Variants in FGGY observed in about 807,000 individuals in gnomAD.
FGGY encodes FGGY carbohydrate kinase domain-containing protein.
A neutral mutation model predicts 71.3 loss-of-function variants in FGGY; 72 were observed. The observed-to-expected ratio is 1.01, with a 90% confidence interval of 0.84 to 1.23. The LOEUF (loss-of-function observed/expected upper bound fraction) is 1.23. FGGY is among the 50% of genes most tolerant of loss of function. The pLI is 0.00. For synonymous variants in FGGY, 251 were observed against 250.3 expected (o/e 1.00, Z -0.02); for missense variants, 668 against 682.3 (o/e 0.98, Z 0.23).
intron 3 of FGGY, among the ~76,000 whole-genome samples, chr1:59,340,306 T>C (rs1191810124): frequency 6.6e-6 from 1 of 152,224 alleles, no homozygotes; most frequent in Non-Finnish European, 1.5e-5. Flanking sequence ...GGAGCCACAG[T>C]GCAGAGCTTG....
intron 11 of FGGY, among the ~76,000 whole-genome samples, chr1:59,638,893 C>T (rs2096989687): frequency 6.6e-6 from 1 of 152,126 alleles, no homozygotes; most frequent in African/African-American, 2.4e-5. Context: ...GCTCTTAGTG[C>T]CCTTTAGGGT....
chr1:59,445,620 C>T (rs372029500), intron 5 of FGGY, among the ~76,000 whole-genome samples: 11 of 152,206 alleles, frequency 7.2e-5, no homozygotes, highest in African/African-American at 2.7e-4. Context: ...ACACATCTCC[C>T]GAACACCCTT....
chr1:59,341,538 C>T (rs982661763), intron 3 of FGGY, among the ~76,000 whole-genome samples: 63 of 152,094 alleles, frequency 4.1e-4, no homozygotes, highest in East Asian at 1.9e-4. Context: ...CCTCTTCTTG[C>T]GACATTTATT....
At chr1:59,640,054 A>G (rs143144835) in intron 11 of FGGY, among the ~76,000 whole-genome samples, 12 of 152,380 alleles carry the variant, frequency 7.9e-5, no homozygotes, top group Non-Finnish European at 1.6e-4. Flanking sequence ...ACATGGGGAC[A>G]TATGCCCAGT....
At chr1:59,337,606 C>G (rs2049858578) in intron 2 of FGGY, among the ~76,000 whole-genome samples, 1 of 152,086 alleles carries the variant, frequency 6.6e-6, no homozygotes, top group Non-Finnish European at 1.5e-5. Flanking sequence ...GAGTATTTCA[C>G]TTTTTGATGC....
chr1:59,499,211 T>C (rs1240930698), intron 6 of FGGY, among the ~76,000 whole-genome samples: 1 of 151,262 alleles, frequency 6.6e-6, no homozygotes, highest in Non-Finnish European at 1.5e-5. Context: ...ATATAGTAGT[T>C]CCCCCTTGTC....
At chr1:59,467,497 T>TAA (rs5774464) in intron 6 of FGGY, among the ~76,000 whole-genome samples, 6 of 148,970 alleles carry the variant, frequency 4.0e-5, no homozygotes, top group East Asian at 2.0e-4. Flanking sequence ...TAAAGTATAA[T>TAA]AAAAAAAAAA....
chr1:59,407,333 G>A (rs1254968613), intron 5 of FGGY, among the ~76,000 whole-genome samples: 1 of 152,178 alleles, frequency 6.6e-6, no homozygotes, highest in Non-Finnish European at 1.5e-5. Context: ...TGAGAGAATG[G>A]TAGCAAAGAT....
intron 1 of FGGY, among the ~76,000 whole-genome samples, chr1:59,302,387 T>C (rs1475977248): frequency 6.6e-6 from 1 of 152,236 alleles, no homozygotes; most frequent in Non-Finnish European, 1.5e-5. Context: ...CTATTCACAA[T>C]AGCAAAGACA....
chr1:59,545,447 C>G (rs1192288468), intron 7 of FGGY, among the ~76,000 whole-genome samples: 2 of 152,044 alleles, frequency 1.3e-5, no homozygotes, highest in East Asian at 3.9e-4. Context: ...TTTACCATGC[C>G]TAATGTCTGA....
intron 5 of FGGY, among the ~76,000 whole-genome samples, chr1:59,415,406 T>C (rs1400460721): frequency 2.0e-5 from 3 of 152,234 alleles, no homozygotes; most frequent in African/African-American, 7.2e-5. Flanking sequence ...CATCCATAAG[T>C]GCTATTTAGA....
At chr1:59,702,598 A>G (rs1396220087) in intron 14 of FGGY, among the ~76,000 whole-genome samples, 1 of 152,192 alleles carries the variant, frequency 6.6e-6, no homozygotes, top group Non-Finnish European at 1.5e-5. Context: ...GAGGCTGTTA[A>G]TGTGGTCTAG....
At chr1:59,402,940 G>A (rs2062166879) in intron 5 of FGGY, among the ~76,000 whole-genome samples, 1 of 152,148 alleles carries the variant, frequency 6.6e-6, no homozygotes, top group Admixed American at 6.5e-5. Flanking sequence ...GGAAAGCCTG[G>A]GTATGGGGGT....
chr1:59,578,033 C>G (rs2096115061), intron 8 of FGGY, among the ~76,000 whole-genome samples: 2 of 152,068 alleles, frequency 1.3e-5, no homozygotes, highest in African/African-American at 4.8e-5. Context: ...GAAACTTGTG[C>G]TAAACGTCAC....
chr1:59,548,088 G>T (rs1033887560), intron 7 of FGGY, among the ~76,000 whole-genome samples: 2 of 152,216 alleles, frequency 1.3e-5, no homozygotes, highest in African/African-American at 4.8e-5. Context: ...ACAAAGGAAG[G>T]AGGCTTGGTC....
chr1:59,554,143 G>A lies in FGGY; in HGVS notation c.819G>A (p.Val273=). ...AGGLGVIGAD[V]RGHGLICEGQ... is the part of the protein sequence containing the mutation. ...TCACAGGAGTGATTGGGGCAGATGT[G>A]AGAGGGCACGGCCTCATCTGTGAGG... is the stretch of plus-strand genomic sequence containing the variant. The change falls in exon 8 of 16, where the codon GTG becomes GTA. Residue 273 remains valine, a synonymous_variant. Transcript: ENST00000303721. 6.2e-7 allele frequency: 1 copy of A among 1,611,590 alleles called. No individual in the cohort carries two copies.
intron 4 of FGGY, among the ~76,000 whole-genome samples, chr1:59,361,914 C>T (rs2055616157): frequency 1.3e-5 from 2 of 152,136 alleles, no homozygotes; most frequent in Non-Finnish European, 2.9e-5. Flanking sequence ...CTAGACAGGG[C>T]CCTTTCCGCC....
intron 8 of FGGY, among the ~76,000 whole-genome samples, chr1:59,571,813 A>G (rs1486146942): frequency 6.6e-6 from 1 of 152,202 alleles, no homozygotes; most frequent in Non-Finnish European, 1.5e-5. Flanking sequence ...GGATCAAACA[A>G]TTTTAAGTGG....
rs79704328 is a variant in FGGY at position 59,675,403 on chromosome 1, T to C, written c.1512+1270T>C. ...AGATCCAAAATTTAAGGGTACACTA[T>C]TGGGAACAGACAGATGTAAAAGTGT... On this transcript the variant is annotated intron_variant, in intron 14 of 15. Transcript: ENST00000303721. Among the ~76,000 whole-genome samples, 77 of 152,294 alleles carry C rather than the reference T, an allele frequency of 5.1e-4. No individual in the cohort carries two copies. The East Asian group carries it at 0.014, about 28-fold the overall frequency.
Sources: gnomAD v4.1 joint callset for allele counts (sites outside exome capture counted in the v4.1 genomes callset) on GRCh38, gnomAD v4.1.1 for gene constraint, MANE v1.5 for transcripts, NCBI Gene and HGNC (gene_info 2026-07-23, HGNC 2026-07-21) for gene names.